Variants in OTC observed in about 807,000 individuals in gnomAD.
The protein encoded by OTC is ornithine transcarbamylase.
Under a neutral mutation model 30.3 loss-of-function variants are expected in OTC, and 3 were observed. The observed-to-expected ratio is 0.10, with a 90% CI of 0.05 to 0.26. The LOEUF (loss-of-function observed/expected upper bound fraction) is 0.26. Ranked by LOEUF, OTC falls within the 10% of genes least tolerant of loss-of-function variation. OTC has a pLI of 1.00. For synonymous variants in OTC, 111 were observed against 99.7 expected, an observed-to-expected ratio of 1.11 and a Z score of -0.67; for missense variants, 194 against 260.3, an observed-to-expected ratio of 0.75 and a Z score of 1.75.
At chrX:38,392,428 GT>G in intron 4 of OTC, among the ~76,000 whole-genome samples, 1 of 111,857 alleles carries the variant, frequency 8.9e-6, no homozygotes, top group South Asian at 3.7e-4. Context: ...TAAAGCTGGG[GT>G]TTTAGATTGA....
intron 4 of OTC, among the ~76,000 whole-genome samples, chrX:38,384,081 C>A (rs770410337): frequency 4.5e-5 from 5 of 112,040 alleles, no homozygotes; most frequent in African/African-American, 1.6e-4. Flanking sequence ...AAAGTTTGAA[C>A]CTCTGAGTGC....
At chrX:38,340,239 C>T in the OTC span, among the ~76,000 whole-genome samples, 1 of 111,425 alleles carries the variant, frequency 9.0e-6, no homozygotes, top group African/African-American at 3.3e-5. Flanking sequence ...CTCCACACAT[C>T]TTATTACTTG....
At chrX:38,341,228 C>T in the OTC span, among the ~76,000 whole-genome samples, 1 of 111,918 alleles carries the variant, frequency 8.9e-6, no homozygotes, top group Non-Finnish European at 1.9e-5. Flanking sequence ...ATTATTTATT[C>T]TCTCTGTCTA....
At chrX:38,384,126 A>G (rs1257595561) in intron 4 of OTC, among the ~76,000 whole-genome samples, 2 of 112,237 alleles carry the variant, frequency 1.8e-5, no homozygotes, top group Admixed American at 1.9e-4. Flanking sequence ...AAAGACCTTG[A>G]GTGAAGTTGA....
rs746896364 is a variant in OTC at position 38,401,080 on chromosome X, C to T, written c.387-195C>T. On this transcript the variant is annotated intron_variant, in intron 4 of 9. Transcript: ENST00000039007. ...TAAAATCGCTGGTCACTGGATAAGT[C>T]GTGGGAGGTAGAACATCTGGCTTAT... Among the ~76,000 whole-genome samples the T allele has an allele frequency of 7.2e-5, 8 of 111,853 alleles. 1 individual carries two copies. The highest frequency in any genetic ancestry group is 4.8e-4 in the Admixed American group (5 of 10,526).
Position 38,396,221 on chromosome X carries a change from C to A in OTC, c.387-5054C>A, listed in dbSNP as rs186063829. ...AGGTGATCCGCCTGCCTCAGCTTCCCAAAGTGCTGGGATTACAGGCATGAG... is the reference window on the plus strand; with the variant it reads ...AGGTGATCCGCCTGCCTCAGCTTCCAAAAGTGCTGGGATTACAGGCATGAG... On this transcript the variant is annotated intron_variant, in intron 4 of 9. Coordinates refer to ENST00000039007, the MANE Select transcript of OTC (RefSeq NM_000531.6). Among the ~76,000 whole-genome samples, 290 of 109,616 alleles carry A rather than the reference C, an allele frequency of 2.6e-3. 1 individual carries two copies. Among genetic ancestry groups the A allele is most frequent in the African/African-American group, 9.0e-3 (272 of 30,151 alleles).
At chrX:38,411,653 G>A (rs1372377919) in intron 8 of OTC, among the ~76,000 whole-genome samples, 2 of 106,075 alleles carry the variant, frequency 1.9e-5, no homozygotes, top group Non-Finnish European at 3.9e-5. Context: ...GTGACAGAGC[G>A]AGACTCTGTC....
At chrX:38,346,733 C>T in the OTC span, among the ~76,000 whole-genome samples, 2 of 112,189 alleles carry the variant, frequency 1.8e-5, no homozygotes, top group Non-Finnish European at 3.8e-5. Flanking sequence ...ATGTCACATT[C>T]TGGAAGAGGC....
At chrX:38,344,016 A>T in the OTC span, among the ~76,000 whole-genome samples, 2 of 110,942 alleles carry the variant, frequency 1.8e-5, no homozygotes, top group East Asian at 5.7e-4. Flanking sequence ...TAGACAAACT[A>T]CCATTACCAT....
At chrX:38,397,459 C>A (rs1166112217) in intron 4 of OTC, among the ~76,000 whole-genome samples, 1 of 111,897 alleles carries the variant, frequency 8.9e-6, no homozygotes, top group Non-Finnish European at 1.9e-5. Flanking sequence ...GTTTCTGGTT[C>A]TTTTTTTAAA....
intron 4 of OTC, among the ~76,000 whole-genome samples, chrX:38,385,675 T>TAA (rs143803050): frequency 9.0e-6 from 1 of 111,334 alleles, no homozygotes; most frequent in Admixed American, 9.5e-5. Flanking sequence ...GATTTTTTTT[T>TAA]AAAAAAGCAC....
chrX:38,339,073 A>T, the OTC span, among the ~76,000 whole-genome samples: 1 of 112,064 alleles, frequency 8.9e-6, no homozygotes, highest in Non-Finnish European at 1.9e-5. Flanking sequence ...GATGCCAGGC[A>T]ATGAAAACTT....
chrX:38,409,247 A>G (rs1370632770), intron 8 of OTC, among the ~76,000 whole-genome samples: 1 of 111,833 alleles, frequency 8.9e-6, no homozygotes, highest in Non-Finnish European at 1.9e-5. Context: ...CACTGAGAAG[A>G]GAGGAGCAGG....
chrX:38,377,039 C>T (rs763114242), intron 3 of OTC, among the ~76,000 whole-genome samples: 1 of 111,927 alleles, frequency 8.9e-6, no homozygotes, highest in East Asian at 2.8e-4. Context: ...AGTACACATT[C>T]TTTTCCTTAG....
At chrX:38,337,476 A>G in the OTC span, among the ~76,000 whole-genome samples, 3 of 111,414 alleles carry the variant, frequency 2.7e-5, no homozygotes, top group East Asian at 5.7e-4. Context: ...TGTTCCTTCC[A>G]TGTCCCTAAA....
At chrX:38,399,132 A>G (rs1314601351) in intron 4 of OTC, among the ~76,000 whole-genome samples, 1 of 111,730 alleles carries the variant, frequency 9.0e-6, no homozygotes, top group African/African-American at 3.3e-5. Context: ...TTTCAAAAAT[A>G]TGGCAGTCTC....
At chrX:38,376,341 A>G (rs191099161) in intron 3 of OTC, among the ~76,000 whole-genome samples, 1 of 112,333 alleles carries the variant, frequency 8.9e-6, no homozygotes, top group Non-Finnish European at 1.9e-5. Flanking sequence ...CCCATTCAAG[A>G]TGTTGGTGAC....
At chrX:38,416,457 A>G (rs1468134849) in intron 9 of OTC, among the ~76,000 whole-genome samples, 1 of 111,882 alleles carries the variant, frequency 8.9e-6, no homozygotes, top group Non-Finnish European at 1.9e-5. Flanking sequence ...TAAATTTTAC[A>G]CTGGAGCTAA....
At chrX:38,412,088 G>A in intron 9 of OTC, 89 bp downstream of exon 9, 1 of 941,106 alleles carries the variant, frequency 1.1e-6, no homozygotes, top group South Asian at 2.0e-5. Context: ...AAGCAAGTGA[G>A]ATTATCCAAC....
Sources: allele counts gnomAD v4.1 joint callset (sites outside exome capture counted in the v4.1 genomes callset), GRCh38; gene constraint gnomAD v4.1.1; transcripts MANE v1.5; gene names NCBI Gene and HGNC (gene_info 2026-07-23, HGNC 2026-07-21).